PTPRD: variants seen among roughly 807,000 people sequenced by gnomAD.
PTPRD encodes the protein protein tyrosine phosphatase receptor type D, also known as receptor-type tyrosine-protein phosphatase delta.
PTPRD carries 34 observed loss-of-function variants against 214.5 expected under a neutral mutation model. That is an observed-to-expected ratio of 0.16 (90% CI 0.12 to 0.21). The LOEUF (loss-of-function observed/expected upper bound fraction) is 0.21, where lower values mean the gene tolerates loss of function less well. Among genes scored for constraint, PTPRD ranks in the 10% least tolerant of loss-of-function variants. The pLI, the probability that PTPRD is intolerant of heterozygous loss-of-function variation, is 1.00. For synonymous variants in PTPRD, 1,128 were observed against 845.7 expected, an observed-to-expected ratio of 1.33 and a Z score of -5.79; for missense variants, 2,545 against 2,398.7, an observed-to-expected ratio of 1.06 and a Z score of -1.27.
chr9:9,781,702 T>C (rs963857790), intron 5 of PTPRD, among the ~76,000 whole-genome samples: 1 of 152,156 alleles, frequency 6.6e-6, no homozygotes, highest in Non-Finnish European at 1.5e-5. Context: ...GAAAAGACTA[T>C]TCTCTCTCTA....
chr9:10,023,248 T>G (rs1353663329), intron 4 of PTPRD, among the ~76,000 whole-genome samples: 1 of 152,190 alleles, frequency 6.6e-6, no homozygotes, highest in Non-Finnish European at 1.5e-5. Context: ...TAACCAATCA[T>G]TATAAATTAA....
chr9:8,655,365 G>T (rs56244411), intron 12 of PTPRD, among the ~76,000 whole-genome samples: 37,080 of 152,022 alleles, frequency 0.24, 4,854 homozygotes, highest in African/African-American at 0.33. Context: ...GTCTTGTTTT[G>T]TGGCCAGAAT....
intron 10 of PTPRD, among the ~76,000 whole-genome samples, chr9:9,076,408 T>A (rs557531362): frequency 1.3e-5 from 2 of 152,186 alleles, no homozygotes; most frequent in African/African-American, 4.8e-5. Context: ...AGTGTAAGTG[T>A]TATTTTTGTA....
At chr9:10,440,418 C>T (rs2098751097) in intron 2 of PTPRD, among the ~76,000 whole-genome samples, 1 of 151,570 alleles carries the variant, frequency 6.6e-6, no homozygotes, top group African/African-American at 2.4e-5. Context: ...TAGATATGAA[C>T]ACTCCATAGA....
chr9:10,390,362 G>C (rs1483187811), intron 2 of PTPRD, among the ~76,000 whole-genome samples: 1 of 151,714 alleles, frequency 6.6e-6, no homozygotes, highest in Non-Finnish European at 1.5e-5. Flanking sequence ...GCTCAGCTTG[G>C]CTGCCTCATC....
chr9:8,798,949 T>C (rs1250587997), intron 11 of PTPRD, among the ~76,000 whole-genome samples: 1 of 152,150 alleles, frequency 6.6e-6, no homozygotes, highest in Non-Finnish European at 1.5e-5. Context: ...AAAGCCTGAA[T>C]GCATAAGCCC....
chr9:9,561,480 A>G (rs972967857), intron 8 of PTPRD, among the ~76,000 whole-genome samples: 1 of 152,234 alleles, frequency 6.6e-6, no homozygotes, highest in African/African-American at 2.4e-5. Context: ...ACTCTTTTTC[A>G]TCAACACTAC....
rs767745154 is a variant in PTPRD, at chr9:8,485,302, G to C, written c.3078C>G (p.Val1026=). The C allele has an allele frequency of 6.2e-7, 1 of 1,614,006 alleles. No homozygotes were observed. Among genetic ancestry groups the C allele is most frequent in the Non-Finnish European group, 8.5e-7 (1 of 1,179,946 alleles). ...VDQVFAKNFH[V]KAVMKTSVLL... Reference sequence around the variant, plus strand: ...ACACGGAAGTCTTCATTACTGCTTTGACATGAAAATTTTTTGCAAACACTG... The same window carrying C: ...ACACGGAAGTCTTCATTACTGCTTTCACATGAAAATTTTTTGCAAACACTG... The change falls in exon 29 of 46, where the codon GTC becomes GTG. Residue 1026 remains valine, a synonymous_variant. Transcript: ENST00000381196.
chr9:8,960,683 C>T (rs1036577580), intron 11 of PTPRD, among the ~76,000 whole-genome samples: 11 of 152,096 alleles, frequency 7.2e-5, no homozygotes, highest in Non-Finnish European at 1.2e-4. Context: ...AAAGGCTCAA[C>T]ATAGACTCTG....
chr9:10,546,272 G>A lies in PTPRD; in HGVS notation c.-600+66126C>T, dbSNP rs1330315818. ...TTAGTTTGAGGTTAGTGGCTCATGT[G>A]TATATTAAAGCCTTGATATGTGATA... On this transcript the variant is annotated intron_variant, in intron 2 of 45. Transcript: ENST00000381196. Among the ~76,000 whole-genome samples, 4 of 152,044 alleles carry A rather than the reference G, an allele frequency of 2.6e-5. No individual in the cohort carries two copies. In the East Asian group the frequency reaches 7.7e-4, roughly 29 times the overall value.
intron 2 of PTPRD, among the ~76,000 whole-genome samples, chr9:10,399,774 G>C (rs2098238656): frequency 6.6e-6 from 1 of 151,862 alleles, no homozygotes; most frequent in African/African-American, 2.4e-5. Context: ...ATCTAAGAAA[G>C]AGCATGATAT....
chr9:10,262,310 C>T (rs1321089356), intron 3 of PTPRD, among the ~76,000 whole-genome samples: 6 of 152,128 alleles, frequency 3.9e-5, no homozygotes, highest in Admixed American at 1.3e-4. Context: ...CATTTTTGAG[C>T]ATATATTTTA....
chr9:8,493,962 G>A (rs545864631), intron 26 of PTPRD, among the ~76,000 whole-genome samples: 65 of 150,902 alleles, frequency 4.3e-4, no homozygotes, highest in Middle Eastern at 3.4e-3. Flanking sequence ...ACATGCGCGC[G>A]TACACAGACA....
chr9:10,416,185 TAA>T (rs113992952), intron 2 of PTPRD, among the ~76,000 whole-genome samples: 4 of 142,996 alleles, frequency 2.8e-5, no homozygotes, highest in African/African-American at 2.6e-5. Context: ...CCACCTCTAC[TAA>T]AAAAAAAAAA....
intron 10 of PTPRD, among the ~76,000 whole-genome samples, chr9:9,107,652 G>C (rs76716417): frequency 0.081 from 12,262 of 152,118 alleles, 648 homozygotes; most frequent in East Asian, 0.16. Context: ...TTTATATATG[G>C]ACTTACTTGT....
intron 6 of PTPRD, among the ~76,000 whole-genome samples, chr9:9,765,044 C>G (rs541546277): frequency 2.0e-4 from 31 of 152,070 alleles, no homozygotes; most frequent in Non-Finnish European, 3.5e-4. Flanking sequence ...GAGATTTGTG[C>G]CTGGAGCCAT....
intron 11 of PTPRD, among the ~76,000 whole-genome samples, chr9:8,836,215 T>A (rs1452596277): frequency 2.2e-4 from 34 of 152,162 alleles, no homozygotes. Context: ...TTGAAACTTG[T>A]GAATTAATTC....
chr9:10,305,505 T>G (rs1183823725), intron 3 of PTPRD, among the ~76,000 whole-genome samples: 1 of 151,868 alleles, frequency 6.6e-6, no homozygotes, highest in Non-Finnish European at 1.5e-5. Context: ...GGGAGAAAAT[T>G]TTGGCAGTCT....
At chr9:9,354,138 G>T (rs1358617641) in intron 9 of PTPRD, among the ~76,000 whole-genome samples, 2 of 151,634 alleles carry the variant, frequency 1.3e-5, no homozygotes. Flanking sequence ...TTTAGGAAGT[G>T]CAAGAGCTAT....
Sources: allele counts gnomAD v4.1 joint callset (sites outside exome capture counted in the v4.1 genomes callset), GRCh38; gene constraint gnomAD v4.1.1; transcripts MANE v1.5; gene names NCBI Gene and HGNC (gene_info 2026-07-23, HGNC 2026-07-21).